The following DGKB variants were observed in gnomAD, a reference collection of about 807,000 sequenced individuals.
DGKB encodes diacylglycerol kinase beta, also known as 90 kDa diacylglycerol kinase.
A neutral mutation model predicts 114.3 loss-of-function variants in DGKB; 67 were observed. The ratio of observed to expected loss-of-function variants is 0.59; its 90% CI spans 0.48 to 0.72. The LOEUF is 0.72. Among genes scored for constraint, DGKB ranks in the 30% least tolerant of loss-of-function variants. DGKB has a pLI of 0.00. For missense variants in DGKB, 907 were observed against 975.2 expected (o/e 0.93, Z 0.93); for synonymous variants, 398 against 323.1 (o/e 1.23, Z -2.49).
intron 1 of DGKB, among the ~76,000 whole-genome samples, chr7:14,942,264 T>A (rs555284455): frequency 1.4e-4 from 22 of 152,038 alleles, no homozygotes; most frequent in African/African-American, 4.3e-4. Flanking sequence ...GAAGTCTTCA[T>A]CCCTTTTCAA....
intron 23 of DGKB, among the ~76,000 whole-genome samples, chr7:14,326,067 CTTTT>C (rs72334706): frequency 7.4e-6 from 1 of 134,828 alleles, no homozygotes; most frequent in Admixed American, 7.5e-5. Context: ...TCACAGATTT[CTTTT>C]TTTTTTTTTT....
intron 23 of DGKB, among the ~76,000 whole-genome samples, chr7:14,260,514 C>T (rs1220666353): frequency 1.3e-5 from 2 of 152,158 alleles, no homozygotes; most frequent in East Asian, 1.9e-4. Flanking sequence ...TCATGATGAT[C>T]ATCATTTTAT....
chr7:14,904,419 C>T (rs982940490), upstream of DGKB, among the ~76,000 whole-genome samples: 1 of 151,968 alleles, frequency 6.6e-6, no homozygotes, highest in Non-Finnish European at 1.5e-5. Flanking sequence ...CAGGGTTAAT[C>T]AGGGTTAAAT....
chr7:14,731,283 C>A (rs1182357983), intron 5 of DGKB, among the ~76,000 whole-genome samples: 2 of 152,092 alleles, frequency 1.3e-5, no homozygotes, highest in Non-Finnish European at 2.9e-5. Context: ...GACATCCAGA[C>A]AAAGTGTTCC....
rs1811512862 is a variant in DGKB at position 14,340,984 on chromosome 7, C to T, written c.1927-2274G>A. 2.2e-5 allele frequency among the ~76,000 whole-genome samples: 3 copies of T among 138,760 alleles called. No homozygotes were observed. The South Asian group carries it at 6.9e-4, about 32-fold the overall frequency. The allele number at this position is 138,760 out of a possible 152,430, so 91.0% of individuals were successfully genotyped here. On this transcript the variant is annotated intron_variant, in intron 22 of 25. Transcript: ENST00000402815. ...AAAAGGAGAGCATGTTGCAAAGAGG[C>T]TTCTTTTTTTTTTAAAAAAAAGAAT...
chr7:14,282,023 G>C (rs538266161), intron 23 of DGKB, among the ~76,000 whole-genome samples: 986 of 98,140 alleles, frequency 0.01, 16 homozygotes, highest in East Asian at 0.091. Context: ...GAGCAGAACT[G>C]AAGGAAATAG....
chr7:14,467,985 T>G (rs1049251447), intron 21 of DGKB, among the ~76,000 whole-genome samples: 1 of 152,150 alleles, frequency 6.6e-6, no homozygotes, highest in Non-Finnish European at 1.5e-5. Context: ...AATTGTTCCC[T>G]GGGATAATTG....
chr7:14,535,930 C>T (rs76107249), intron 20 of DGKB, among the ~76,000 whole-genome samples: 1,813 of 151,602 alleles, frequency 0.012, 19 homozygotes, highest in Middle Eastern at 0.024. Flanking sequence ...TATCGATAGA[C>T]GTACTAAGAA....
intron 23 of DGKB, among the ~76,000 whole-genome samples, chr7:14,270,838 G>A (rs1301041681): frequency 1.3e-5 from 2 of 152,156 alleles, no homozygotes; most frequent in Admixed American, 6.5e-5. Flanking sequence ...CTGTAGGGGG[G>A]TGGGGTAGAA....
chr7:14,792,996 G>A (rs1227159265), intron 2 of DGKB, among the ~76,000 whole-genome samples: 1 of 152,102 alleles, frequency 6.6e-6, no homozygotes, highest in Non-Finnish European at 1.5e-5. Context: ...ACACAGGTAT[G>A]TGAAGATATA....
At chr7:14,310,539 C>T (rs187455440) in intron 23 of DGKB, among the ~76,000 whole-genome samples, 17 of 152,180 alleles carry the variant, frequency 1.1e-4, no homozygotes, top group Admixed American at 3.3e-4. Flanking sequence ...TTTATACAAC[C>T]AAAACCAATC....
chr7:14,690,893 G>C (rs776708166), intron 9 of DGKB, among the ~76,000 whole-genome samples: 1 of 152,180 alleles, frequency 6.6e-6, no homozygotes, highest in Non-Finnish European at 1.5e-5. Flanking sequence ...GTGGTAATCA[G>C]AATCACAAAG....
At chr7:14,404,770 G>A (rs576892266) in intron 21 of DGKB, among the ~76,000 whole-genome samples, 152 of 151,616 alleles carry the variant, frequency 1.0e-3, no homozygotes, top group African/African-American at 3.4e-3. Flanking sequence ...TCACCACTGT[G>A]TCTTCTTGAA....
intron 21 of DGKB, among the ~76,000 whole-genome samples, chr7:14,383,316 T>C (rs745984742): frequency 3.3e-5 from 5 of 152,194 alleles, no homozygotes; most frequent in Admixed American, 6.5e-5. Flanking sequence ...AAAGTCAATG[T>C]TTCCTAGATA....
intron 23 of DGKB, among the ~76,000 whole-genome samples, chr7:14,193,939 G>C (rs1475345917): frequency 6.6e-6 from 1 of 151,954 alleles, no homozygotes; most frequent in Non-Finnish European, 1.5e-5. Flanking sequence ...TTAGTTATAT[G>C]AAAAAAATGC....
At position 14,618,040 on chromosome 7, in the gene DGKB, A is replaced by G. The variant is rs375840784; in HGVS notation, c.1284+3338T>C. Among the ~76,000 whole-genome samples the G allele has an allele frequency of 1.3e-4, 19 of 151,698 alleles. No individual in the cohort carries two copies. The East Asian group carries it at 3.1e-3, about 25-fold the overall frequency. On this transcript the variant is annotated intron_variant, in intron 15 of 25. Transcript: ENST00000402815. ...TATAGAGTAACAATTCTGGGTTTAC[A>G]TTGAGAGTTAGAATGTCAATGAAGT...
chr7:14,974,633 C>A (rs1043275955), intron 1 of DGKB: 2 of 151,918 alleles, frequency 1.3e-5, no homozygotes, highest in Admixed American at 1.3e-4. Flanking sequence ...ATGATAAAAC[C>A]ATGCTTCCCT....
intron 2 of DGKB, among the ~76,000 whole-genome samples, chr7:14,783,163 G>A (rs1290724529): frequency 6.6e-6 from 1 of 152,054 alleles, no homozygotes; most frequent in Non-Finnish European, 1.5e-5. Flanking sequence ...TAAACATATA[G>A]TAACAAGATT....
intron 2 of DGKB, among the ~76,000 whole-genome samples, chr7:14,796,424 C>T (rs1562557560): frequency 6.6e-6 from 1 of 152,158 alleles, no homozygotes; most frequent in African/African-American, 2.4e-5. Context: ...GTGCCCAGAT[C>T]AGCTGCAGAC....
Sources: gnomAD v4.1 joint callset for allele counts (sites outside exome capture counted in the v4.1 genomes callset) on GRCh38, gnomAD v4.1.1 for gene constraint, MANE v1.5 for transcripts, NCBI Gene and HGNC (gene_info 2026-07-23, HGNC 2026-07-21) for gene names.